Variants in ZNF831 observed in about 807,000 individuals in gnomAD.
ZNF831 encodes chromosome 20 open reading frame 174.
In ZNF831, 59 loss-of-function variants were observed where a neutral mutation model predicts 95.8. The ratio of observed to expected loss-of-function variants is 0.62; its 90% confidence interval spans 0.50 to 0.77. ZNF831 has a LOEUF of 0.77. ZNF831 is among the 30% of genes least tolerant of loss of function. The pLI is 0.00. For synonymous variants in ZNF831, 961 were observed against 925.5 expected, an observed-to-expected ratio of 1.04 and a Z score of -0.70; for missense variants, 2,205 against 2,164.0, an observed-to-expected ratio of 1.02 and a Z score of -0.38.
chr20:59,185,096 C>T (rs184892293), intron 1 of ZNF831, among the ~76,000 whole-genome samples: 188 of 152,264 alleles, frequency 1.2e-3, no homozygotes, highest in Middle Eastern at 3.4e-3. Context: ...AGAGGTAAGC[C>T]TTCTAGCGAG....
chr20:59,237,991 C>A (rs1987098034), intron 4 of ZNF831, among the ~76,000 whole-genome samples: 1 of 152,108 alleles, frequency 6.6e-6, no homozygotes, highest in Admixed American at 6.5e-5. Context: ...ATAAGTATGT[C>A]CTGAACATTG....
intron 4 of ZNF831, among the ~76,000 whole-genome samples, chr20:59,212,021 A>G (rs1188975996): frequency 6.6e-6 from 1 of 152,084 alleles, no homozygotes; most frequent in Non-Finnish European, 1.5e-5. Flanking sequence ...AACTTTAGAT[A>G]CTAATCCTTT....
chr20:59,171,266 G>A (rs187618077), intron 1 of ZNF831, among the ~76,000 whole-genome samples: 9 of 152,318 alleles, frequency 5.9e-5, no homozygotes, highest in African/African-American at 1.9e-4. Flanking sequence ...AACATCCTCT[G>A]TTGGAAAAAC....
rs2146553612 is a variant in ZNF831, at chr20:59,191,781, A to T, written c.762A>T (p.Leu254=). 1 of 1,612,132 alleles carries T rather than the reference A, an allele frequency of 6.2e-7. No homozygotes were observed. Among genetic ancestry groups the T allele is most frequent in the Non-Finnish European group, 8.5e-7 (1 of 1,179,362 alleles). ...TTTCTCCGGGTGCCCACGTGCCCCT[A>T]CTTGCCAAGAACCTGGATGTGAGGA... The part of the protein sequence containing the change: ...RPLSPGAHVP[L]LAKNLDVRTE... The change falls in exon 2 of 6, where the codon CTA becomes CTT. Residue 254 remains leucine, a synonymous_variant. Transcript: ENST00000371030.
chr20:59,130,853 C>T (rs1263765847), intron 1 of ZNF831, among the ~76,000 whole-genome samples: 3 of 152,072 alleles, frequency 2.0e-5, no homozygotes, highest in East Asian at 1.9e-4. Context: ...CTGGGTGGGG[C>T]GCTTGGCCCT....
At chr20:59,159,168 C>T (rs937807911), upstream of ZNF831, among the ~76,000 whole-genome samples, 5 of 152,010 alleles carry the variant, frequency 3.3e-5, no homozygotes, top group Admixed American at 1.3e-4. Flanking sequence ...ACTTGTGGTA[C>T]AGCCCTTTAC....
intron 1 of ZNF831, among the ~76,000 whole-genome samples, chr20:59,167,048 G>T (rs745910729): frequency 6.6e-6 from 1 of 152,194 alleles, no homozygotes; most frequent in African/African-American, 2.4e-5. Context: ...ACACCGAAAT[G>T]GATCCTGGCA....
At position 59,193,342 on chromosome 20, in the gene ZNF831, G is replaced by A. The variant is rs1568756447; in HGVS notation, c.2323G>A (p.Ala775Thr). ...CCCCCTCAAAGGGGGTGATGTAGAGGCTCCCAGGCCAGTTTGGCCGGACCC... is the reference window on the plus strand; with the variant it reads ...CCCCCTCAAAGGGGGTGATGTAGAGACTCCCAGGCCAGTTTGGCCGGACCC... Reference protein sequence around the residue: ...PGPLKGGDVEAPRPVWPDPKL... With the variant: ...PGPLKGGDVETPRPVWPDPKL... Residue 775 changes from alanine to threonine, a missense_variant, in exon 2 of 6, where the codon GCT becomes ACT. Ala to Thr is a moderately conservative substitution (Grantham distance 58). Coordinates refer to ENST00000371030, the MANE Select transcript of ZNF831 (RefSeq NM_178457.3). The A allele has an allele frequency of 1.3e-5, 21 of 1,612,642 alleles. No homozygotes were observed. The highest frequency in any genetic ancestry group is 1.8e-5 in the Non-Finnish European group (21 of 1,179,358).
intron 3 of ZNF831, among the ~76,000 whole-genome samples, chr20:59,206,265 C>T (rs1397734202): frequency 3.3e-5 from 5 of 151,992 alleles, no homozygotes; most frequent in Non-Finnish European, 5.9e-5. Flanking sequence ...TCATCACATC[C>T]CTCTGAGATG....
intron 1 of ZNF831, among the ~76,000 whole-genome samples, chr20:59,178,042 T>G (rs1982312834): frequency 1.3e-5 from 2 of 152,210 alleles, no homozygotes; most frequent in Non-Finnish European, 2.9e-5. Flanking sequence ...AATCAACAGA[T>G]GCGGCGAGAA....
chr20:59,130,807 T>C (rs1372888336), intron 1 of ZNF831, among the ~76,000 whole-genome samples: 1 of 152,110 alleles, frequency 6.6e-6, no homozygotes, highest in Non-Finnish European at 1.5e-5. Context: ...GGGACAGTTT[T>C]CTAGCCTCTG....
rs777393943 is a variant in ZNF831, at chr20:59,193,758, C to T, written c.2739C>T (p.Pro913=). 39 of 1,608,612 alleles carry T rather than the reference C, an allele frequency of 2.4e-5. No homozygotes were observed. Among genetic ancestry groups the T allele is most frequent in the Non-Finnish European group, 3.1e-5 (36 of 1,177,198 alleles). Residue 913 remains proline, a synonymous_variant, in exon 2 of 6, where the codon CCC becomes CCT. Coordinates refer to ENST00000371030, the MANE Select transcript of ZNF831 (RefSeq NM_178457.3). ...ATPLHPAAPA[P]AEHPSLATPP... is the part of the protein sequence containing the mutation. ...CACTGCATCCTGCAGCCCCAGCCCCCGCAGAGCACCCCTCGCTGGCCACCC... is the reference window on the plus strand; with the variant it reads ...CACTGCATCCTGCAGCCCCAGCCCCTGCAGAGCACCCCTCGCTGGCCACCC...
Position 59,254,396 on chromosome 20 carries a change from G to GA in ZNF831, c.4693dup (p.Thr1565AsnfsTer4). The stretch of plus-strand genomic sequence containing the variant: ...AGATTCGGTTCCACTGGAGTCAACT[G>GA]AAAAAACTCATCTTGAAATACCAGC... On this transcript the variant is annotated frameshift_variant, in exon 6 of 6. Coordinates refer to ENST00000371030, the MANE Select transcript of ZNF831 (RefSeq NM_178457.3). LOFTEE classifies it low-confidence loss of function (END_TRUNC). This position sits in a 1 kb window ranked among gnomAD's most constrained non-coding sequence, Gnocchi z 4.5. 1 of 1,614,118 alleles carries GA rather than the reference G, an allele frequency of 6.2e-7. No homozygotes were observed. The highest frequency in any genetic ancestry group is 8.5e-7 in the Non-Finnish European group (1 of 1,180,030).
intron 1 of ZNF831, among the ~76,000 whole-genome samples, chr20:59,134,051 A>T (rs923763055): frequency 1.3e-5 from 2 of 152,132 alleles, no homozygotes; most frequent in African/African-American, 4.8e-5. Context: ...TTCCCAGCAG[A>T]TGTCTTGGGC....
At position 59,192,393 on chromosome 20, in the gene ZNF831, G is replaced by C. The variant is rs752299327; in HGVS notation, c.1374G>C (p.Ala458=). 6.2e-7 allele frequency: 1 copy of C among 1,611,980 alleles called. No homozygotes were observed. The highest frequency in any genetic ancestry group is 1.1e-5 in the South Asian group (1 of 90,906). ...YKDSFHFDIR[A]LEPGRRRAPG... ...ACTCCTTCCACTTTGACATCCGCGC[G>C]CTGGAGCCAGGCCGTAGGAGGGCCC... Residue 458 remains alanine, a synonymous_variant, in exon 2 of 6, where the codon GCG becomes GCC. Transcript: ENST00000371030. The surrounding 1 kb of genome is among the most constrained non-coding windows in gnomAD (Gnocchi z 5.2).
chr20:59,125,259 T>A (rs1161708931), intron 1 of ZNF831, among the ~76,000 whole-genome samples: 2 of 152,258 alleles, frequency 1.3e-5, no homozygotes, highest in Admixed American at 1.3e-4. Flanking sequence ...TCGCCATCCC[T>A]GGCCTCACCC....
intron 2 of ZNF831, among the ~76,000 whole-genome samples, chr20:59,148,614 A>T (rs1391594529): frequency 2.8e-5 from 3 of 106,852 alleles, no homozygotes; most frequent in African/African-American, 1.1e-4. Context: ...CGGGAGGTGG[A>T]GCTTGCAGTG....
rs1988034378 is a variant in ZNF831 at position 59,253,869 on chromosome 20, C to CT, written c.4189-20dup. 1.2e-3 allele frequency: 1,258 copies of CT among 1,062,728 alleles called. 17 individuals are homozygous for CT. Among genetic ancestry groups the CT allele is most frequent in the South Asian group, 1.7e-3 (85 of 49,690 alleles). 65.8% of individuals were successfully genotyped at this position (1,062,728 alleles called of 1,614,324 possible). ...TTGTACCAATTAACCTCCCCCCCCA[C>CT]TTTTTTTTTCCTTTGCACTTTGTTG... On this transcript the variant is annotated intron_variant, in intron 5 of 5. Coordinates refer to ENST00000371030, the MANE Select transcript of ZNF831 (RefSeq NM_178457.3).
At position 59,193,112 on chromosome 20, in the gene ZNF831, C is replaced by T. The variant is rs2146577303; in HGVS notation, c.2093C>T (p.Ala698Val). ...ATPEPWGNPP[A>V]LEASLVTEPT... ...CCAGAGCCTTGGGGAAATCCACCAGCCCTGGAGGCCTCCTTGGTGACTGAA... is the reference window on the plus strand; with the variant it reads ...CCAGAGCCTTGGGGAAATCCACCAGTCCTGGAGGCCTCCTTGGTGACTGAA... The change falls in exon 2 of 6, where the codon GCC becomes GTC. Residue 698 changes from alanine (A) to valine (V), a missense_variant. Physicochemically the swap from Ala to Val is moderately conservative, Grantham distance 64 (BLOSUM62 0). Transcript: ENST00000371030. The T allele has an allele frequency of 6.3e-7, 1 of 1,590,494 alleles. No homozygotes were observed. Among genetic ancestry groups the T allele is most frequent in the South Asian group, 1.1e-5 (1 of 88,540 alleles).
Sources: allele counts gnomAD v4.1 joint callset (sites outside exome capture counted in the v4.1 genomes callset), GRCh38; gene constraint gnomAD v4.1.1; non-coding constraint Gnocchi (gnomAD v3.1); transcripts MANE v1.5; gene names NCBI Gene and HGNC (gene_info 2026-07-23, HGNC 2026-07-21).